The following DOCK7 variants were observed in gnomAD, a reference collection of about 807,000 sequenced individuals.
The protein encoded by DOCK7 is dedicator of cytokinesis 7, also known as dedicator of cytokinesis protein 7.
In DOCK7, 138 loss-of-function variants were observed where a neutral mutation model predicts 271.0. That is an observed-to-expected ratio of 0.51 (90% CI 0.44 to 0.59). The LOEUF (loss-of-function observed/expected upper bound fraction) is 0.59, where lower values mean the gene tolerates loss of function less well. DOCK7 is among the 20% of genes least tolerant of loss of function. The pLI is 0.00. For synonymous variants in DOCK7, 823 were observed against 876.1 expected, an observed-to-expected ratio of 0.94 and a Z score of 1.07; for missense variants, 2,066 against 2,592.4, an observed-to-expected ratio of 0.80 and a Z score of 4.41.
intron 1 of DOCK7, among the ~76,000 whole-genome samples, chr1:62,666,236 A>AAT (rs1659304874): frequency 6.6e-6 from 1 of 152,164 alleles, no homozygotes; most frequent in Non-Finnish European, 1.5e-5. Flanking sequence ...ACAGCTAATA[A>AAT]ATAAAAACTT....
intron 12 of DOCK7, among the ~76,000 whole-genome samples, chr1:62,623,570 C>G (rs1653551613): frequency 6.6e-6 from 1 of 152,060 alleles, no homozygotes; most frequent in Non-Finnish European, 1.5e-5. Flanking sequence ...AAACAGCAGG[C>G]TGAAGAAATG....
chr1:62,492,725 T>C lies in DOCK7; in HGVS notation c.5340A>G (p.Gln1780=). The C allele has an allele frequency of 6.2e-7, 1 of 1,614,164 alleles. No individual in the cohort carries two copies. The change falls in exon 41 of 50, where the codon CAA becomes CAG. Residue 1780 remains glutamine (Q), a synonymous_variant. Coordinates refer to ENST00000635253, the MANE Select transcript of DOCK7 (RefSeq NM_001367561.1). ...TESGLVGLLE[Q]AAASFSMAGM... ...CTACCATAGAGAAGGAAGCAGCTGC[T>C]TGTTCCAGTAATCCCACAAGTCCTG...
rs373298992 is a variant in DOCK7 at position 62,657,155 on chromosome 1, G to A, written c.145-2996C>T. ...AGAAGGTCTAGTGGAGAGTAAGTACGTTCACCAATGCCTAGTGTAACAAGG... is the reference window on the plus strand; with the variant it reads ...AGAAGGTCTAGTGGAGAGTAAGTACATTCACCAATGCCTAGTGTAACAAGG... On this transcript the variant is annotated intron_variant, in intron 2 of 49. Coordinates refer to ENST00000635253, the MANE Select transcript of DOCK7 (RefSeq NM_001367561.1). Among the ~76,000 whole-genome samples the A allele has an allele frequency of 5.3e-5, 8 of 152,140 alleles. No homozygotes were observed. The South Asian group carries it at 6.2e-4, about 12-fold the overall frequency.
In DOCK7 at chr1:62,455,223, C is replaced by A; in HGVS notation, c.*191G>T. 1 of 700,884 alleles carries A rather than the reference C, an allele frequency of 1.4e-6. No homozygotes were observed. 43.4% of individuals were successfully genotyped at this position (700,884 alleles called of 1,614,324 possible). ...TGTCTTAAAAGATAACAGCTTGTTA[C>A]CAGAACATTAGAAACCATAGCCATG... On this transcript the variant is annotated 3_prime_UTR_variant, in exon 50 of 50. Transcript: ENST00000635253.
At chr1:62,511,967 T>C (rs1244094135) in intron 33 of DOCK7, among the ~76,000 whole-genome samples, 4 of 152,090 alleles carry the variant, frequency 2.6e-5, no homozygotes, top group Admixed American at 6.5e-5. Context: ...TAAATAAGAA[T>C]TACAAGACAA....
Position 62,494,483 on chromosome 1 carries a change from A to C in DOCK7, c.5025-16T>G, listed in dbSNP as rs761197112. On this transcript the variant is annotated splice_polypyrimidine_tract_variant and intron_variant, in intron 39 of 49. Transcript: ENST00000635253. ...CTTGGCAATTCTAATTAGAACAGAA[A>C]TTCTTCTCCATTAGTATGTGCTTCC... 1 of 1,586,362 alleles carries C rather than the reference A, an allele frequency of 6.3e-7. No individual in the cohort carries two copies. Among genetic ancestry groups the C allele is most frequent in the African/African-American group, 1.3e-5 (1 of 74,544 alleles).
intron 48 of DOCK7, among the ~76,000 whole-genome samples, chr1:62,471,741 A>G (rs927301207): frequency 6.6e-6 from 1 of 152,240 alleles, no homozygotes; most frequent in Non-Finnish European, 1.5e-5. Context: ...CCATTGTAGT[A>G]TAAACTATAC....
intron 30 of DOCK7, 73 bp downstream of exon 30, chr1:62,529,204 T>C (rs1175246139): frequency 1.0e-5 from 14 of 1,369,796 alleles, no homozygotes; most frequent in Non-Finnish European, 2.9e-6. Flanking sequence ...AAGATCTTCA[T>C]CCTTGAGATA....
Position 62,513,618 on chromosome 1 carries a change from A to C in DOCK7, c.4120-12T>G, listed in dbSNP as rs867030948. On this transcript the variant is annotated splice_polypyrimidine_tract_variant and intron_variant, in intron 32 of 49. Coordinates refer to ENST00000635253, the MANE Select transcript of DOCK7 (RefSeq NM_001367561.1). The stretch of plus-strand genomic sequence containing the variant: ...AACACTTTTTTCCCCTAAAATGTAA[A>C]CATTAGAAGAGAAGAGGTATTGAGG... The C allele has an allele frequency of 1.2e-6, 2 of 1,607,446 alleles. No homozygotes were observed. The highest frequency in any genetic ancestry group is 1.3e-5 in the African/African-American group (1 of 74,470).
intron 14 of DOCK7, chr1:62,597,903 G>C: frequency 6.4e-7 from 1 of 1,567,136 alleles, no homozygotes; most frequent in Non-Finnish European, 8.6e-7. Context: ...AAATGAAGAG[G>C]TAAAGAATAT....
rs11343278 is a variant in DOCK7, at chr1:62,550,719, A to AT, written c.2766+2012dup. ...CTGAGGTTTGATTATAATGGGAGTA[A>AT]TTTTTTTTTTTTTTTTCTGAAATAG... On this transcript the variant is annotated intron_variant, in intron 22 of 49. Transcript: ENST00000635253. Among the ~76,000 whole-genome samples the AT allele has an allele frequency of 3.6e-3, 514 of 143,232 alleles. 5 individuals are homozygous for AT. Among genetic ancestry groups the AT allele is most frequent in the African/African-American group, 8.0e-3 (312 of 38,956 alleles). 94.0% of individuals were successfully genotyped at this position (143,232 alleles called of 152,430 possible).
chr1:62,677,826 G>A (rs1468460717), intron 1 of DOCK7, among the ~76,000 whole-genome samples: 3 of 152,178 alleles, frequency 2.0e-5, no homozygotes, highest in Non-Finnish European at 4.4e-5. Context: ...CTTTCCCTTT[G>A]AGATCATAAA....
chr1:62,676,714 A>AT (rs1349965291), intron 1 of DOCK7, among the ~76,000 whole-genome samples: 1 of 152,194 alleles, frequency 6.6e-6, no homozygotes, highest in East Asian at 1.9e-4. Flanking sequence ...AACATTAGCA[A>AT]TTATGAAAAT....
chr1:62,482,551 G>A (rs558188749), intron 43 of DOCK7: 25 of 152,176 alleles, frequency 1.6e-4, no homozygotes, highest in African/African-American at 5.8e-4. Flanking sequence ...TCAGGCTTAG[G>A]TGATTCACCT....
chr1:62,666,559 T>C (rs1379718997), intron 1 of DOCK7, among the ~76,000 whole-genome samples: 1 of 152,206 alleles, frequency 6.6e-6, no homozygotes, highest in East Asian at 1.9e-4. Flanking sequence ...TCTGCAAAGA[T>C]TTCATAAAAT....
Position 62,586,604 on chromosome 1 carries a change from G to A in DOCK7, c.1703C>T (p.Pro568Leu). 1 of 1,609,880 alleles carries A rather than the reference G, an allele frequency of 6.2e-7. No homozygotes were observed. The highest frequency in any genetic ancestry group is 8.5e-7 in the Non-Finnish European group (1 of 1,176,944). ...ACGATTGGCAAAATTAAGACTCTGA[G>A]GGTATATGTAGAGAAGATTTCTGTG... is the stretch of plus-strand genomic sequence containing the variant. ...TTYRNLLYIY[P>L]QSLNFANRQG... Residue 568 changes from proline (P) to leucine (L), a missense_variant, in exon 15 of 50, where the codon CCT becomes CTT. Coordinates refer to ENST00000635253, the MANE Select transcript of DOCK7 (RefSeq NM_001367561.1).
chr1:62,492,004 A>C (rs1029865895), intron 41 of DOCK7, among the ~76,000 whole-genome samples: 1 of 152,074 alleles, frequency 6.6e-6, no homozygotes, highest in African/African-American at 2.4e-5. Flanking sequence ...TGAGGTCAGG[A>C]GTTTGAGACT....
intron 31 of DOCK7, among the ~76,000 whole-genome samples, chr1:62,523,606 C>T (rs1283003072): frequency 6.6e-6 from 1 of 152,134 alleles, no homozygotes; most frequent in East Asian, 1.9e-4. Context: ...CAGTGGCTCA[C>T]GCCTGTAATG....
intron 15 of DOCK7, among the ~76,000 whole-genome samples, 157 bp from the exon 16 acceptor site, chr1:62,583,411 C>T (rs1690765): frequency 2.7e-4 from 41 of 152,146 alleles, no homozygotes; most frequent in Non-Finnish European, 4.9e-4. Flanking sequence ...TCAAAAAGTT[C>T]AATTGCTTAA....
Sources: gnomAD v4.1 joint callset for allele counts (sites outside exome capture counted in the v4.1 genomes callset) on GRCh38, gnomAD v4.1.1 for gene constraint, MANE v1.5 for transcripts, NCBI Gene and HGNC (gene_info 2026-07-23, HGNC 2026-07-21) for gene names.